The following ZDBF2 variants were observed in gnomAD, a reference collection of about 807,000 sequenced individuals.
ZDBF2 encodes DBF4-type zinc finger-containing protein 2.
ZDBF2 carries 6 observed loss-of-function variants against 9.4 expected under a neutral mutation model. The observed-to-expected ratio is 0.64, with a 90% CI of 0.35 to 1.27. The LOEUF (loss-of-function observed/expected upper bound fraction) is 1.27. ZDBF2 is among the 50% of genes most tolerant of loss of function. The probability of loss-of-function intolerance (pLI) is 0.03; values close to 1 mark genes in which losing one functional copy is unlikely to be tolerated. For missense variants in ZDBF2, 2,697 were observed against 2,766.8 expected (o/e 0.97, Z 0.57); for synonymous variants, 905 against 946.3 (o/e 0.96, Z 0.80).
At chr2:206,295,363 CTTT>C (rs571707187) in intron 3 of ZDBF2, among the ~76,000 whole-genome samples, 3 of 110,974 alleles carry the variant, frequency 2.7e-5, no homozygotes, top group Admixed American at 2.1e-4. Flanking sequence ...CTTTTCTTTT[CTTT>C]TTTTTTTTTT....
chr2:206,302,682 T>C (rs1346997537), intron 4 of ZDBF2, among the ~76,000 whole-genome samples: 2 of 152,208 alleles, frequency 1.3e-5, no homozygotes, highest in East Asian at 3.8e-4. Flanking sequence ...TTGAGAAGTA[T>C]GAAAAATTAG....
At position 206,305,610 on chromosome 2, in the gene ZDBF2, G is replaced by C. The variant is rs202036087; in HGVS notation, c.1082G>C (p.Ser361Thr). The change falls in exon 5 of 5, where the codon AGT becomes ACT. Residue 361 changes from serine (S) to threonine (T), a missense_variant. Ser to Thr is a moderately conservative substitution (Grantham distance 58). This residue lies in a region of ZDBF2 where 910 missense variants were observed against 973.6 expected (regional missense o/e 0.93). Coordinates refer to ENST00000374423, the MANE Select transcript of ZDBF2 (RefSeq NM_020923.3). Reference protein sequence around the residue: ...TAFWEQKCSVSSEMKFDCISL... With the variant: ...TAFWEQKCSVTSEMKFDCISL... ...TTTTGGGAACAGAAGTGCTCAGTGA[G>C]TTCTGAAATGAAGTTTGATTGTATC... 2.0e-3 allele frequency: 3,270 copies of C among 1,613,802 alleles called. 10 individuals are homozygous for C. The highest frequency in any genetic ancestry group is 2.5e-3 in the Non-Finnish European group (2,987 of 1,179,796).
At chr2:206,299,884 G>A (rs1303102264) in intron 4 of ZDBF2, among the ~76,000 whole-genome samples, 5 of 151,822 alleles carry the variant, frequency 3.3e-5, no homozygotes, top group Admixed American at 6.6e-5. Flanking sequence ...GAGGCGGGCG[G>A]ATCACCTGAG....
At chr2:206,293,239 A>G (rs1310264093) in intron 3 of ZDBF2, among the ~76,000 whole-genome samples, 1 of 152,164 alleles carries the variant, frequency 6.6e-6, no homozygotes, top group Non-Finnish European at 1.5e-5. Context: ...TACTGGGTCA[A>G]TTGAATATTC....
chr2:206,287,816 C>A (rs1691679263), intron 3 of ZDBF2, among the ~76,000 whole-genome samples: 1 of 151,692 alleles, frequency 6.6e-6, no homozygotes, highest in Non-Finnish European at 1.5e-5. Context: ...TCAGAGATTT[C>A]TTTCTTCAAT....
At chr2:206,285,008 C>T (rs533597134) in intron 3 of ZDBF2, among the ~76,000 whole-genome samples, 3 of 152,304 alleles carry the variant, frequency 2.0e-5, no homozygotes, top group South Asian at 2.1e-4. Context: ...GGATTACAGG[C>T]GTGAGCCACT....
At chr2:206,289,417 G>T (rs1294278124) in intron 3 of ZDBF2, among the ~76,000 whole-genome samples, 1 of 152,140 alleles carries the variant, frequency 6.6e-6, no homozygotes, top group East Asian at 1.9e-4. Flanking sequence ...TTTCTGGGAG[G>T]CAGGGTACCA....
Position 206,310,699 on chromosome 2 carries a change from T to A in ZDBF2, c.6171T>A (p.Ile2057=), listed in dbSNP as rs1414020637. The change falls in exon 5 of 5, where the codon ATT becomes ATA. Residue 2057 remains isoleucine (I), a synonymous_variant. Transcript: ENST00000374423. ...RNIFDYYEPL[I]KQIVISPPLS... ...TCTTTGATTATTATGAGCCCTTGATTAAGCAAATTGTAATTAGTCCTCCCC... is the reference window on the plus strand; with the variant it reads ...TCTTTGATTATTATGAGCCCTTGATAAAGCAAATTGTAATTAGTCCTCCCC... The A allele has an allele frequency of 1.2e-6, 2 of 1,613,330 alleles. No individual in the cohort carries two copies.
At chr2:206,300,233 C>T (rs574216988) in intron 4 of ZDBF2, among the ~76,000 whole-genome samples, 1 of 152,344 alleles carries the variant, frequency 6.6e-6, no homozygotes, top group African/African-American at 2.4e-5. Context: ...AACAGCTAAT[C>T]TGTAGACCTT....
At chr2:206,298,376 T>G (rs1423453474) in intron 4 of ZDBF2, among the ~76,000 whole-genome samples, 1 of 152,242 alleles carries the variant, frequency 6.6e-6, no homozygotes, top group Non-Finnish European at 1.5e-5. Flanking sequence ...TAAACTTCTT[T>G]GCCTTGCAAA....
intron 2 of ZDBF2, among the ~76,000 whole-genome samples, chr2:206,280,056 C>A (rs1411876892): frequency 6.6e-6 from 1 of 152,222 alleles, no homozygotes; most frequent in Non-Finnish European, 1.5e-5. Flanking sequence ...CCACCTGCCT[C>A]GGCCTCCCAA....
chr2:206,313,530 G>A lies in ZDBF2; in HGVS notation c.*1937G>A, dbSNP rs988800752. The A allele has an allele frequency of 2.6e-5, 4 of 151,998 alleles. No homozygotes were observed. The highest frequency in any genetic ancestry group is 9.7e-5 in the African/African-American group (4 of 41,394). The allele number at this position is 151,998 out of a possible 1,614,324, so 9.4% of individuals were successfully genotyped here. On this transcript the variant is annotated 3_prime_UTR_variant, in exon 5 of 5. Coordinates refer to ENST00000374423, the MANE Select transcript of ZDBF2 (RefSeq NM_020923.3). ...GATATATAAGATATTTGTGGGTATT[G>A]GTGTCTTTTTTCCCTATGGAATAGA...
Position 206,308,431 on chromosome 2 carries a change from A to G in ZDBF2, c.3903A>G (p.Pro1301=). 2 of 1,613,268 alleles carry G rather than the reference A, an allele frequency of 1.2e-6. No homozygotes were observed. The highest frequency in any genetic ancestry group is 1.3e-5 in the African/African-American group (1 of 75,056). Residue 1301 remains proline (P), a synonymous_variant, in exon 5 of 5, where the codon CCA becomes CCG. Coordinates refer to ENST00000374423, the MANE Select transcript of ZDBF2 (RefSeq NM_020923.3). ...TTCAGTCCGTAACTAATAAAATTCC[A>G]GGGGCGAATAAAGAAATAAATCTTT... is the stretch of plus-strand genomic sequence containing the variant. ...EPLQSVTNKI[P]GANKEINLLR... is the part of the protein sequence containing the mutation.
rs1693227600 is a variant in ZDBF2, at chr2:206,312,191, GCA to G, written c.*603_*604del. On this transcript the variant is annotated 3_prime_UTR_variant, in exon 5 of 5. Transcript: ENST00000374423. ...TCTAACTTTTATCATTTGGACACATGCACACATACAGTCTCTAGGTTTTTTGG... is the reference window on the plus strand; with the variant it reads ...TCTAACTTTTATCATTTGGACACATGCACATACAGTCTCTAGGTTTTTTGG... The G allele has an allele frequency of 6.6e-6, 1 of 152,036 alleles. No individual in the cohort carries two copies. Among genetic ancestry groups the G allele is most frequent in the Non-Finnish European group, 1.5e-5 (1 of 68,028 alleles). 9.4% of individuals were successfully genotyped at this position (152,036 alleles called of 1,614,324 possible).
chr2:206,276,532 AC>A (rs1253190564), intron 1 of ZDBF2, among the ~76,000 whole-genome samples: 4 of 152,194 alleles, frequency 2.6e-5, no homozygotes, highest in African/African-American at 9.6e-5. Context: ...ATTTGTTTTC[AC>A]CTAATATTAA....
chr2:206,308,550 T>C lies in ZDBF2; in HGVS notation c.4022T>C (p.Ile1341Thr). 1 of 1,613,660 alleles carries C rather than the reference T, an allele frequency of 6.2e-7. No homozygotes were observed. ...YVSNIPLQSV[I>T]KQPHILEEEH... Reference sequence around the variant, plus strand: ...TCAAATATCCCTCTTCAGTCAGTGATAAAACAACCACACATTTTGGAAGAG... The same window carrying C: ...TCAAATATCCCTCTTCAGTCAGTGACAAAACAACCACACATTTTGGAAGAG... The change falls in exon 5 of 5, where the codon ATA (isoleucine) becomes ACA (threonine). Residue 1341 changes from isoleucine to threonine, a missense_variant. Ile to Thr is a moderately conservative substitution (Grantham distance 89). Around this residue, in one of 3 missense-constraint regions of ZDBF2, gnomAD observed 1,783 missense variants for 1,776.5 expected, o/e 1.00. Coordinates refer to ENST00000374423, the MANE Select transcript of ZDBF2 (RefSeq NM_020923.3).
intron 3 of ZDBF2, among the ~76,000 whole-genome samples, chr2:206,290,751 G>C (rs139563896): frequency 7.2e-5 from 11 of 152,076 alleles, no homozygotes; most frequent in African/African-American, 1.7e-4. Flanking sequence ...TTTTTTTGTA[G>C]ATTCCTTAGG....
chr2:206,279,312 A>C (rs1176933495), intron 1 of ZDBF2, among the ~76,000 whole-genome samples: 1 of 152,096 alleles, frequency 6.6e-6, no homozygotes, highest in Non-Finnish European at 1.5e-5. Flanking sequence ...GCAGTGTTTG[A>C]TGGTGGGTTA....
At position 206,307,205 on chromosome 2, in the gene ZDBF2, A is replaced by G. The variant is rs1266642928; in HGVS notation, c.2677A>G (p.Lys893Glu). Residue 893 changes from lysine (K) to glutamate (E), a missense_variant, in exon 5 of 5, where the codon AAG becomes GAG. Physicochemically the swap from Lys to Glu is moderately conservative, Grantham distance 56. Transcript: ENST00000374423. Reference sequence around the variant, plus strand: ...TAATTCTCCCGAAGTAGCTGTTAAAAAGCTAAATCCTCAAAAAGAAGAGCA... The same window carrying G: ...TAATTCTCCCGAAGTAGCTGTTAAAGAGCTAAATCCTCAAAAAGAAGAGCA... ...VTNSPEVAVKKLNPQKEEQVH... is the reference protein window; with the variant it reads ...VTNSPEVAVKELNPQKEEQVH... 6.2e-7 allele frequency: 1 copy of G among 1,612,416 alleles called. No homozygotes were observed. Among genetic ancestry groups the G allele is most frequent in the Non-Finnish European group, 8.5e-7 (1 of 1,179,512 alleles).
Sources: gnomAD v4.1 joint callset for allele counts (sites outside exome capture counted in the v4.1 genomes callset) on GRCh38, gnomAD v4.1.1 for gene constraint, gnomAD v4.1.1 regional missense constraint, MANE v1.5 for transcripts, NCBI Gene and HGNC (gene_info 2026-07-23, HGNC 2026-07-21) for gene names.